The following RERE variants were observed in gnomAD, a reference collection of about 807,000 sequenced individuals.
The protein encoded by RERE is arginine-glutamic acid dipeptide repeats.
A neutral mutation model predicts 146.1 loss-of-function variants in RERE; 40 were observed. The observed-to-expected ratio is 0.27, with a 90% CI of 0.21 to 0.36. The LOEUF (loss-of-function observed/expected upper bound fraction) is 0.36, where lower values mean the gene tolerates loss of function less well. RERE is among the 10% of genes least tolerant of loss of function. RERE has a pLI of 1.00. For synonymous variants in RERE, 1,003 were observed against 866.0 expected, an observed-to-expected ratio of 1.16 and a Z score of -2.78; for missense variants, 1,933 against 2,138.7, an observed-to-expected ratio of 0.90 and a Z score of 1.90.
chr1:8,413,132 T>TA (rs1229042523), intron 12 of RERE, among the ~76,000 whole-genome samples: 1 of 152,148 alleles, frequency 6.6e-6, no homozygotes, highest in Non-Finnish European at 1.5e-5. Context: ...CACACACACA[T>TA]ACTTCATTTT....
At chr1:8,502,677 C>G (rs1334545119) in intron 8 of RERE, among the ~76,000 whole-genome samples, 1 of 150,340 alleles carries the variant, frequency 6.7e-6, no homozygotes, top group South Asian at 2.1e-4. Context: ...ATTGAGAAAT[C>G]GGATGGTTGC....
chr1:8,557,320 A>AT, intron 5 of RERE, 98 bp downstream of exon 5: 1 of 834,398 alleles, frequency 1.2e-6, no homozygotes. Flanking sequence ...TCCAAAATCC[A>AT]TTTTTCAAAA....
intron 1 of RERE, among the ~76,000 whole-genome samples, chr1:8,795,246 G>A (rs1330349425): frequency 1.1e-4 from 16 of 151,712 alleles, no homozygotes; most frequent in African/African-American, 3.6e-4. Flanking sequence ...GGCTGGTCTC[G>A]AACTCCTGAC....
At chr1:8,428,678 G>A (rs900890945) in intron 11 of RERE, 9 of 151,990 alleles carry the variant, frequency 5.9e-5, no homozygotes, top group African/African-American at 2.2e-4. Flanking sequence ...TGGAAAGAAC[G>A]CAAGGTTCAG....
At position 8,360,513 on chromosome 1, in the gene RERE, G is replaced by C. The variant is rs765526082; in HGVS notation, c.2994C>G (p.Pro998=). Residue 998 remains proline, a synonymous_variant, in exon 18 of 23, where the codon CCC becomes CCG. Coordinates refer to ENST00000400908, the MANE Select transcript of RERE (RefSeq NM_001042681.2). Reference sequence around the variant, plus strand: ...GCCCGGGGGGCTGGGCGGGCGAGGAGGGCAATGGCTGGCTCTGAGGCATGA... The same window carrying C: ...GCCCGGGGGGCTGGGCGGGCGAGGACGGCAATGGCTGGCTCTGAGGCATGA... ...LQLMPQSQPL[P]SSPAQPPGLT... is the part of the protein sequence containing the mutation. The C allele has an allele frequency of 2.3e-6, 3 of 1,312,060 alleles. No individual in the cohort carries two copies. Among genetic ancestry groups the C allele is most frequent in the Non-Finnish European group, 3.0e-6 (3 of 1,002,522 alleles). 81.3% of individuals were successfully genotyped at this position (1,312,060 alleles called of 1,614,324 possible). A position where few individuals can be genotyped will look rare whatever the true frequency, so the allele number is the denominator to read the frequency against.
At chr1:8,489,511 TAAAC>T (rs1443038196) in intron 10 of RERE, among the ~76,000 whole-genome samples, 1 of 151,898 alleles carries the variant, frequency 6.6e-6, no homozygotes, top group East Asian at 1.9e-4. Context: ...TTTTTTTAAG[TAAAC>T]AAACTATTTG....
At chr1:8,637,813 T>C (rs1335658541) in intron 2 of RERE, among the ~76,000 whole-genome samples, 1 of 152,238 alleles carries the variant, frequency 6.6e-6, no homozygotes, top group Non-Finnish European at 1.5e-5. Context: ...CAGTCACTTT[T>C]ATAGGCCAAA....
At chr1:8,672,370 T>C (rs1458372163) in intron 1 of RERE, among the ~76,000 whole-genome samples, 1 of 152,130 alleles carries the variant, frequency 6.6e-6, no homozygotes, top group East Asian at 1.9e-4. Context: ...AGAAGGGATC[T>C]TGCTAGGTTT....
At chr1:8,724,470 CT>C (rs1178012855) in intron 1 of RERE, among the ~76,000 whole-genome samples, 1 of 152,206 alleles carries the variant, frequency 6.6e-6, no homozygotes, top group African/African-American at 2.4e-5. Flanking sequence ...AATTTCAAGT[CT>C]GAGAATTAAG....
intron 12 of RERE, among the ~76,000 whole-genome samples, chr1:8,411,499 T>A (rs998499171): frequency 6.6e-6 from 1 of 152,028 alleles, no homozygotes; most frequent in African/African-American, 2.4e-5. Flanking sequence ...ATGCCAGTAT[T>A]CTGGTTAATA....
chr1:8,734,567 G>A (rs573872209), intron 1 of RERE, among the ~76,000 whole-genome samples: 2 of 152,250 alleles, frequency 1.3e-5, no homozygotes, highest in East Asian at 3.9e-4. Context: ...GCAAGACCTT[G>A]GATAAGTTAC....
chr1:8,784,723 T>TA (rs34636605), intron 1 of RERE, among the ~76,000 whole-genome samples: 27 of 152,186 alleles, frequency 1.8e-4, no homozygotes, highest in African/African-American at 5.8e-4. Flanking sequence ...ACCCCAACTC[T>TA]AAAAAAAGCA....
At chr1:8,490,343 CA>C (rs530925995) in intron 10 of RERE, among the ~76,000 whole-genome samples, 3,648 of 75,366 alleles carry the variant, frequency 0.048, 280 homozygotes, top group African/African-American at 0.15. Flanking sequence ...GGCAACATCT[CA>C]AAAAAAAAAA....
At position 8,364,774 on chromosome 1, in the gene RERE, C is replaced by T. The variant is rs765989489; in HGVS notation, c.1512G>A (p.Gly504=). Residue 504 remains glycine, a synonymous_variant, in exon 14 of 23, where the codon GGG becomes GGA. Transcript: ENST00000400908. The surrounding 1 kb of genome is among the most constrained non-coding windows in gnomAD (Gnocchi z 5.1). ...DSEDSEQELK[G]YACRHCFTTT... is the part of the protein sequence containing the mutation. ...TGGTGAAGCAGTGGCGGCAGGCGTA[C>T]CCCTTCAGCTCCTGCTCACTGTCCT... The T allele has an allele frequency of 7.4e-6, 12 of 1,613,834 alleles. No individual in the cohort carries two copies. Among genetic ancestry groups the T allele is most frequent in the South Asian group, 2.2e-5 (2 of 91,082 alleles).
chr1:8,477,449 A>G (rs993588550), intron 10 of RERE, among the ~76,000 whole-genome samples: 5 of 152,240 alleles, frequency 3.3e-5, no homozygotes, highest in Non-Finnish European at 7.3e-5. Flanking sequence ...CAGGACCACA[A>G]ATGGAAACTA....
rs1423478097 is a variant in RERE at position 8,423,863 on chromosome 1, C to T, written c.1204-1056G>A. Among the ~76,000 whole-genome samples the T allele has an allele frequency of 6.7e-6, 1 of 149,620 alleles. No individual in the cohort carries two copies. The highest frequency in any genetic ancestry group is 1.5e-5 in the Non-Finnish European group (1 of 67,276). Reference sequence around the variant, plus strand: ...GGATTGCCGCCGCCCTCCTGTCCGCCAGCCGGGGCCCCGCGCCCCGGCCCC... The same window carrying T: ...GGATTGCCGCCGCCCTCCTGTCCGCTAGCCGGGGCCCCGCGCCCCGGCCCC... On this transcript the variant is annotated intron_variant, in intron 11 of 22. Coordinates refer to ENST00000400908, the MANE Select transcript of RERE (RefSeq NM_001042681.2). This position sits in a 1 kb window ranked among gnomAD's most constrained non-coding sequence, Gnocchi z 5.4.
chr1:8,385,968 TAAAAAAAAAAAAA>T (rs34493389), intron 12 of RERE, among the ~76,000 whole-genome samples: 28 of 9,478 alleles, frequency 3.0e-3, no homozygotes, highest in Middle Eastern at 0.25. Flanking sequence ...GACTCCGTCT[TAAAAAAAAAAAAA>T]AAAAAAAAAA....
chr1:8,659,778 CTG>C (rs1002754752), intron 1 of RERE, among the ~76,000 whole-genome samples: 3 of 152,160 alleles, frequency 2.0e-5, no homozygotes, highest in Admixed American at 1.3e-4. Flanking sequence ...CTCCAGAAAA[CTG>C]TGTAGAAAAC....
intron 12 of RERE, among the ~76,000 whole-genome samples, chr1:8,382,147 T>G (rs1170936731): frequency 6.6e-6 from 1 of 152,250 alleles, no homozygotes; most frequent in Non-Finnish European, 1.5e-5. Flanking sequence ...AGAGACTTCC[T>G]GCAGGCAGAT....
Sources: gnomAD v4.1 joint callset for allele counts (sites outside exome capture counted in the v4.1 genomes callset) on GRCh38, gnomAD v4.1.1 for gene constraint, Gnocchi (gnomAD v3.1) non-coding constraint, MANE v1.5 for transcripts, NCBI Gene and HGNC (gene_info 2026-07-23, HGNC 2026-07-21) for gene names.